LY96: variants seen among roughly 807,000 people sequenced by gnomAD.
LY96 encodes the protein myeloid differentiation protein-2.
Under a neutral mutation model 18.9 loss-of-function variants are expected in LY96, and 18 were observed. The observed-to-expected ratio is 0.95, with a 90% CI of 0.66 to 1.41. The LOEUF is 1.41. Ranked by LOEUF, LY96 falls within the 40% of genes most tolerant of loss-of-function variation. The pLI is 0.00. For synonymous variants in LY96, 66 were observed against 62.6 expected (o/e 1.06, Z -0.26); for missense variants, 175 against 182.4 (o/e 0.96, Z 0.23).
intron 3 of LY96, among the ~76,000 whole-genome samples, chr8:74,025,864 C>T (rs1232836701): frequency 2.0e-5 from 3 of 151,894 alleles, no homozygotes; most frequent in South Asian, 2.1e-4. Flanking sequence ...AAAAATTAAT[C>T]GGGTGTGGTG....
Position 74,010,002 on chromosome 8 carries a change from GAGAGATTTAA to G in LY96, c.207_216del (p.Arg69SerfsTer9). 6.3e-7 allele frequency: 1 copy of G among 1,595,072 alleles called. No homozygotes were observed. The highest frequency in any genetic ancestry group is 1.3e-5 in the African/African-American group (1 of 74,616). On this transcript the variant is annotated frameshift_variant and splice_region_variant, in exon 3 of 5. Coordinates refer to ENST00000284818, the MANE Select transcript of LY96 (RefSeq NM_015364.5). LOFTEE classifies it high-confidence loss of function. Reference sequence around the variant, plus strand: ...CTAATGGGATTTTTTCTTTTAAAGGGAGAGATTTAAAGCAATTATATTTCAATCTCTATAT... The same window carrying G: ...CTAATGGGATTTTTTCTTTTAAAGGGAGCAATTATATTTCAATCTCTATAT...
chr8:73,997,471 G>A (rs1816174858), intron 1 of LY96, among the ~76,000 whole-genome samples: 1 of 152,148 alleles, frequency 6.6e-6, no homozygotes, highest in Admixed American at 6.6e-5. Flanking sequence ...ATGAAAATAA[G>A]TTAGATAATG....
chr8:74,003,370 C>A (rs1415615469), intron 1 of LY96, among the ~76,000 whole-genome samples: 2 of 152,308 alleles, frequency 1.3e-5, no homozygotes, highest in East Asian at 3.9e-4. Flanking sequence ...TACAGTGGCA[C>A]AAAAGCAAGG....
At chr8:74,089,561 A>T in the LY96 span, among the ~76,000 whole-genome samples, 1 of 152,194 alleles carries the variant, frequency 6.6e-6, no homozygotes. Flanking sequence ...ATACACAGGG[A>T]AAGTGGATGA....
At chr8:74,075,185 TA>T in the LY96 span, among the ~76,000 whole-genome samples, 4,492 of 152,298 alleles carry the variant, frequency 0.029, 216 homozygotes, top group African/African-American at 0.1. Flanking sequence ...CATATATACT[TA>T]ACAATTATTA....
the LY96 span, among the ~76,000 whole-genome samples, chr8:74,074,581 T>A: frequency 6.6e-6 from 1 of 152,190 alleles, no homozygotes; most frequent in Admixed American, 6.5e-5. Context: ...ATTGTTAAGT[T>A]AATTACATGA....
the LY96 span, among the ~76,000 whole-genome samples, chr8:74,050,005 A>G: frequency 6.6e-6 from 1 of 152,020 alleles, no homozygotes; most frequent in African/African-American, 2.4e-5. Flanking sequence ...GCAACAGAGC[A>G]GGACTCCATT....
intron 1 of LY96, among the ~76,000 whole-genome samples, chr8:73,995,075 T>A (rs1460574822): frequency 1.3e-5 from 2 of 152,300 alleles, no homozygotes; most frequent in East Asian, 1.9e-4. Flanking sequence ...TAAATTAATG[T>A]CATTATTGAG....
downstream of LY96, among the ~76,000 whole-genome samples, chr8:74,032,154 A>ACAAC (rs1246534978): frequency 2.0e-5 from 3 of 152,226 alleles, no homozygotes; most frequent in Middle Eastern, 3.4e-3. Context: ...AAACAAAAAA[A>ACAAC]CAACCAACCA....
the LY96 span, among the ~76,000 whole-genome samples, chr8:74,039,492 G>A: frequency 6.6e-6 from 1 of 152,090 alleles, no homozygotes; most frequent in African/African-American, 2.4e-5. Flanking sequence ...TGGGCCCGGG[G>A]GACCACTACC....
At chr8:74,057,262 A>G in the LY96 span, among the ~76,000 whole-genome samples, 17 of 152,250 alleles carry the variant, frequency 1.1e-4, no homozygotes, top group East Asian at 2.9e-3. Context: ...CTATGTTGGG[A>G]AGTGCTCCTA....
the LY96 span, among the ~76,000 whole-genome samples, chr8:74,070,897 G>A: frequency 1.3e-5 from 2 of 152,062 alleles, no homozygotes; most frequent in Admixed American, 6.6e-5. Context: ...AAGCAGAAAT[G>A]TTCTGGGTAC....
chr8:74,045,767 C>T, the LY96 span, among the ~76,000 whole-genome samples: 2,756 of 152,186 alleles, frequency 0.018, 93 homozygotes, highest in African/African-American at 0.06. Context: ...CGAAGACCGC[C>T]CCCCTACCTC....
chr8:74,048,301 G>A, the LY96 span, among the ~76,000 whole-genome samples: 40,201 of 150,100 alleles, frequency 0.27, 6,564 homozygotes, highest in African/African-American at 0.47. Context: ...TGCTCTTGTC[G>A]CCTAGGCGGG....
At chr8:74,032,303 A>G (rs934402793), downstream of LY96, among the ~76,000 whole-genome samples, 4 of 152,222 alleles carry the variant, frequency 2.6e-5, no homozygotes, top group South Asian at 4.1e-4. Context: ...CTTATGCCCA[A>G]TTTCTGCCTC....
At chr8:74,065,402 T>C in the LY96 span, among the ~76,000 whole-genome samples, 1 of 152,240 alleles carries the variant, frequency 6.6e-6, no homozygotes, top group Non-Finnish European at 1.5e-5. Context: ...TATATTTGCA[T>C]TGTATTTCTT....
the LY96 span, among the ~76,000 whole-genome samples, chr8:74,038,482 A>G: frequency 6.6e-5 from 10 of 152,314 alleles, no homozygotes; most frequent in East Asian, 1.9e-3. Flanking sequence ...CAATTAGCAT[A>G]ATGACCTCCG....
chr8:74,091,105 G>A, the LY96 span, among the ~76,000 whole-genome samples: 3 of 53,868 alleles, frequency 5.6e-5, no homozygotes, highest in Non-Finnish European at 1.5e-4. Flanking sequence ...GTACAGAAAG[G>A]AGTGGCATGG....
chr8:74,054,617 C>CTTCTTTTTTTCT, the LY96 span, among the ~76,000 whole-genome samples: 7 of 70,098 alleles, frequency 1.0e-4, no homozygotes, highest in African/African-American at 3.3e-4. Flanking sequence ...TTTCCTTTTC[C>CTTCTTTTTTTCT]TTCTTTCTTT....
Sources: gnomAD v4.1 joint callset for allele counts (sites outside exome capture counted in the v4.1 genomes callset) on GRCh38, gnomAD v4.1.1 for gene constraint, MANE v1.5 for transcripts, NCBI Gene and HGNC (gene_info 2026-07-23, HGNC 2026-07-21) for gene names.